EXT1: variants seen among roughly 807,000 people sequenced by gnomAD.
EXT1 encodes the protein exostosin glycosyltransferase 1.
In EXT1, 20 loss-of-function variants were observed where a neutral mutation model predicts 82.5. The observed-to-expected ratio is 0.24, with a 90% CI of 0.17 to 0.35. The LOEUF (loss-of-function observed/expected upper bound fraction) is 0.35. Ranked by LOEUF, EXT1 falls within the 10% of genes least tolerant of loss-of-function variation. The probability of loss-of-function intolerance (pLI) is 1.00; values close to 1 mark genes in which losing one functional copy is unlikely to be tolerated. For synonymous variants in EXT1, 348 were observed against 350.8 expected (o/e 0.99, Z 0.09); for missense variants, 757 against 936.5 (o/e 0.81, Z 2.50).
intron 1 of EXT1, among the ~76,000 whole-genome samples, chr8:118,053,906 C>G (rs190968400): frequency 4.6e-5 from 7 of 152,316 alleles, no homozygotes; most frequent in Non-Finnish European, 8.8e-5. Context: ...CTCATCTTCA[C>G]TGATGCTTAG....
At chr8:117,996,768 T>C (rs755176426) in intron 1 of EXT1, among the ~76,000 whole-genome samples, 27 of 152,274 alleles carry the variant, frequency 1.8e-4, no homozygotes, top group Admixed American at 4.6e-4. Context: ...AAGAGAAAAG[T>C]GACAGGCAGA....
chr8:117,822,654 G>A, intron 4 of EXT1, 57 bp from the exon 5 acceptor site: 1 of 1,597,504 alleles, frequency 6.3e-7, no homozygotes, highest in Non-Finnish European at 8.5e-7. Flanking sequence ...ATTTGGAAAG[G>A]ATGATGCTCA....
intron 1 of EXT1, among the ~76,000 whole-genome samples, chr8:117,844,523 G>T (rs774628536): frequency 4.3e-4 from 66 of 152,132 alleles, no homozygotes; most frequent in Non-Finnish European, 5.1e-4. Context: ...CCAAGGCAAA[G>T]ATTTGAACTG....
intron 8 of EXT1, among the ~76,000 whole-genome samples, chr8:117,809,601 C>T (rs1823290848): frequency 1.3e-5 from 2 of 151,046 alleles, no homozygotes; most frequent in East Asian, 2.0e-4. Flanking sequence ...GGTGCCACTG[C>T]CCCCTATCGT....
At chr8:117,941,052 C>T (rs1002971089) in intron 1 of EXT1, among the ~76,000 whole-genome samples, 4 of 152,194 alleles carry the variant, frequency 2.6e-5, no homozygotes, top group African/African-American at 4.8e-5. Context: ...TCCTGCCCTG[C>T]CCCATCCTGC....
In EXT1 at chr8:117,807,422, A is replaced by T. The variant is rs985762988; in HGVS notation, c.1723-45T>A. The T allele has an allele frequency of 2.5e-6, 4 of 1,610,098 alleles. No homozygotes were observed. In the African/African-American group the frequency reaches 5.3e-5, roughly 22 times the overall value. On this transcript the variant is annotated intron_variant, in intron 8 of 10. Coordinates refer to ENST00000378204, the MANE Select transcript of EXT1 (RefSeq NM_000127.3). ...CAAACAAGCAATCAACAGTGTTAAC[A>T]AATGTCAACAAAACATTACCTTCTC...
At chr8:117,871,581 T>C (rs1285388370) in intron 1 of EXT1, among the ~76,000 whole-genome samples, 1 of 152,212 alleles carries the variant, frequency 6.6e-6, no homozygotes. Context: ...GGGACCTCAC[T>C]GAAATACCAC....
chr8:117,980,728 T>TTTTTTTA (rs1815179687), intron 1 of EXT1, among the ~76,000 whole-genome samples: 1 of 136,704 alleles, frequency 7.3e-6, no homozygotes, highest in Non-Finnish European at 1.5e-5. Flanking sequence ...TTTTTTTTTT[T>TTTTTTTA]TTTCCAGTGT....
intron 1 of EXT1, among the ~76,000 whole-genome samples, chr8:117,926,307 T>C (rs1813951435): frequency 1.3e-5 from 2 of 152,222 alleles, no homozygotes; most frequent in Non-Finnish European, 2.9e-5. Flanking sequence ...CTGAAATGGA[T>C]CTAAGCTGAC....
chr8:117,872,553 T>G (rs1214045710), intron 1 of EXT1, among the ~76,000 whole-genome samples: 1 of 152,220 alleles, frequency 6.6e-6, no homozygotes, highest in East Asian at 1.9e-4. Context: ...CAGTGTGTTG[T>G]TACCTAAAAA....
intron 1 of EXT1, among the ~76,000 whole-genome samples, chr8:117,885,461 A>AT (rs35870282): frequency 0.11 from 15,783 of 142,658 alleles, 962 homozygotes; most frequent in Middle Eastern, 0.17. Context: ...CCTAAAATAG[A>AT]TTTTTTTTTC....
intron 1 of EXT1, among the ~76,000 whole-genome samples, chr8:118,066,430 G>A (rs553162695): frequency 4.0e-5 from 6 of 150,940 alleles, no homozygotes; most frequent in East Asian, 1.9e-4. Context: ...GCATGATCTC[G>A]GCTCAAGTAG....
At chr8:118,033,084 A>G (rs957607876) in intron 1 of EXT1, among the ~76,000 whole-genome samples, 6 of 152,152 alleles carry the variant, frequency 3.9e-5, no homozygotes, top group Admixed American at 3.9e-4. Context: ...GCCCATTGCA[A>G]TGCGCTAAAT....
At chr8:117,861,502 T>G (rs1182292324) in intron 1 of EXT1, among the ~76,000 whole-genome samples, 1,556 of 115,484 alleles carry the variant, frequency 0.013, 61 homozygotes, top group Non-Finnish European at 0.021. Flanking sequence ...TTTTTTTTTT[T>G]TTTTTTTTTT....
chr8:117,905,298 G>T (rs569892189), intron 1 of EXT1, among the ~76,000 whole-genome samples: 1 of 152,230 alleles, frequency 6.6e-6, no homozygotes, highest in Admixed American at 6.5e-5. Flanking sequence ...TCCTTCAAGA[G>T]GCACGTAGGT....
At chr8:118,010,616 T>C (rs1033021657) in intron 1 of EXT1, among the ~76,000 whole-genome samples, 1 of 152,170 alleles carries the variant, frequency 6.6e-6, no homozygotes, top group African/African-American at 2.4e-5. Context: ...GCAGTTCCTA[T>C]GGATATTAGC....
intron 1 of EXT1, among the ~76,000 whole-genome samples, chr8:117,897,591 C>CTTTTTTTTTTTT (rs34963536): frequency 2.4e-4 from 22 of 90,688 alleles, no homozygotes; most frequent in Non-Finnish European, 3.6e-4. Flanking sequence ...CTTCTTTTCT[C>CTTTTTTTTTTTT]TTTTTTTTTT....
In EXT1 at chr8:118,038,418, G is replaced by C. The variant is rs181765601; in HGVS notation, c.962+71667C>G. Among the ~76,000 whole-genome samples the C allele has an allele frequency of 9.8e-5, 15 of 152,292 alleles. No individual in the cohort carries two copies. In the East Asian group the frequency reaches 2.1e-3, roughly 22 times the overall value. On this transcript the variant is annotated intron_variant, in intron 1 of 10. Coordinates refer to ENST00000378204, the MANE Select transcript of EXT1 (RefSeq NM_000127.3). ...CCAGTGACTGTGCAGAATCCCTGTAGAGTCCAATGACCTCCAAGCATCTGA... is the reference window on the plus strand; with the variant it reads ...CCAGTGACTGTGCAGAATCCCTGTACAGTCCAATGACCTCCAAGCATCTGA...
chr8:118,008,784 C>T (rs1352694290), intron 1 of EXT1, among the ~76,000 whole-genome samples: 1 of 152,102 alleles, frequency 6.6e-6, no homozygotes, highest in African/African-American at 2.4e-5. Flanking sequence ...TTACATTTTA[C>T]TTTCTTCCTG....
Sources: gnomAD v4.1 joint callset for allele counts (sites outside exome capture counted in the v4.1 genomes callset) on GRCh38, gnomAD v4.1.1 for gene constraint, MANE v1.5 for transcripts, NCBI Gene and HGNC (gene_info 2026-07-23, HGNC 2026-07-21) for gene names.